TYR: variants seen among roughly 807,000 people sequenced by gnomAD.
TYR encodes the protein LB24-AB.
Under a neutral mutation model 51.5 loss-of-function variants are expected in TYR, and 58 were observed. The ratio of observed to expected loss-of-function variants is 1.13; its 90% CI spans 0.91 to 1.40. TYR has a LOEUF of 1.40. Among genes scored for constraint, TYR ranks in the 40% most tolerant of loss-of-function variants. TYR has a pLI of 0.00. For synonymous variants in TYR, 263 were observed against 235.2 expected (o/e 1.12, Z -1.08); for missense variants, 732 against 647.4 (o/e 1.13, Z -1.42).
intron 2 of TYR, among the ~76,000 whole-genome samples, chr11:89,217,664 C>T (rs1415193295): frequency 2.6e-5 from 4 of 152,138 alleles, no homozygotes; most frequent in Non-Finnish European, 2.9e-5. Flanking sequence ...TGAGTCTCTT[C>T]GTTGTTTTAT....
intron 2 of TYR, among the ~76,000 whole-genome samples, chr11:89,207,398 C>T (rs1377665600): frequency 1.3e-5 from 2 of 152,032 alleles, no homozygotes; most frequent in Non-Finnish European, 2.9e-5. Context: ...TAAAAAAGCG[C>T]AAACTATACC....
Position 89,292,862 on chromosome 11 carries a change from C to T in TYR, c.1367-2281C>T, listed in dbSNP as rs1226151684. Among the ~76,000 whole-genome samples the T allele has an allele frequency of 2.0e-5, 3 of 152,148 alleles. No individual in the cohort carries two copies. In the East Asian group the frequency reaches 5.8e-4, roughly 29 times the overall value. On this transcript the variant is annotated intron_variant, in intron 4 of 4. Coordinates refer to ENST00000263321, the MANE Select transcript of TYR (RefSeq NM_000372.5). The stretch of plus-strand genomic sequence containing the variant: ...TGGGTTCCTAAAGCCAAGTCTTAGA[C>T]ATCCCATGAATCATTACCTTTTAGT...
chr11:89,278,740 T>C (rs888540976), intron 3 of TYR, among the ~76,000 whole-genome samples: 2 of 151,732 alleles, frequency 1.3e-5, no homozygotes, highest in African/African-American at 4.8e-5. Flanking sequence ...ACCATGTTGA[T>C]ATAATTATTA....
intron 3 of TYR, among the ~76,000 whole-genome samples, chr11:89,282,894 G>A (rs1565422997): frequency 6.6e-6 from 1 of 151,802 alleles, no homozygotes; most frequent in Non-Finnish European, 1.5e-5. Context: ...GGGGGAAGAA[G>A]AGAAGAGAGG....
intron 1 of TYR, among the ~76,000 whole-genome samples, chr11:89,186,702 G>C (rs12799137): frequency 0.22 from 32,956 of 152,064 alleles, 5,590 homozygotes; most frequent in African/African-American, 0.48. Context: ...AGACCTCTCA[G>C]CCAGTATTAT....
At chr11:89,245,148 T>C (rs1478698357) in intron 3 of TYR, among the ~76,000 whole-genome samples, 3 of 152,208 alleles carry the variant, frequency 2.0e-5, no homozygotes, top group Non-Finnish European at 4.4e-5. Flanking sequence ...GTGACATTTG[T>C]GTGTAAAAAC....
At chr11:89,188,222 T>C (rs1338480405) in intron 1 of TYR, among the ~76,000 whole-genome samples, 1 of 151,816 alleles carries the variant, frequency 6.6e-6, no homozygotes, top group Admixed American at 6.6e-5. Flanking sequence ...AATAAGGCAA[T>C]ATGGTATAGA....
chr11:89,190,763 GGTAA>G (rs1343436882), intron 1 of TYR, among the ~76,000 whole-genome samples: 1 of 151,838 alleles, frequency 6.6e-6, no homozygotes, highest in East Asian at 1.9e-4. Context: ...GTCCATTTAT[GGTAA>G]GTGTCCTGTA....
intron 3 of TYR, among the ~76,000 whole-genome samples, chr11:89,253,168 T>C (rs1430421966): frequency 6.6e-6 from 1 of 151,798 alleles, no homozygotes; most frequent in Non-Finnish European, 1.5e-5. Context: ...TCCTTTCACT[T>C]TCTTCCTTTA....
chr11:89,185,817 A>G (rs1943364440), intron 1 of TYR, among the ~76,000 whole-genome samples: 1 of 152,170 alleles, frequency 6.6e-6, no homozygotes, highest in African/African-American at 2.4e-5. Flanking sequence ...ACCACTAAGA[A>G]AAATAAAAAA....
intron 3 of TYR, among the ~76,000 whole-genome samples, chr11:89,281,626 C>T (rs1228679230): frequency 6.6e-6 from 1 of 151,758 alleles, no homozygotes; most frequent in East Asian, 1.9e-4. Flanking sequence ...CCCATCTCTC[C>T]ACTTTTGAGG....
At chr11:89,241,311 G>A (rs76298763) in intron 3 of TYR, among the ~76,000 whole-genome samples, 2,979 of 152,220 alleles carry the variant, frequency 0.02, 115 homozygotes, top group African/African-American at 0.069. Context: ...ACCCTCGTAT[G>A]TACTCTTGTC....
chr11:89,203,561 A>C (rs1326564953), intron 2 of TYR, among the ~76,000 whole-genome samples: 1 of 152,184 alleles, frequency 6.6e-6, no homozygotes, highest in African/African-American at 2.4e-5. Context: ...TCTAAATACA[A>C]CCACAATCTC....
At chr11:89,193,416 A>T (rs1943473416) in intron 2 of TYR, among the ~76,000 whole-genome samples, 1 of 152,142 alleles carries the variant, frequency 6.6e-6, no homozygotes, top group Non-Finnish European at 1.5e-5. Context: ...AGGGAACAGC[A>T]GATTTACTAC....
chr11:89,248,348 G>T (rs1944291658), intron 3 of TYR, among the ~76,000 whole-genome samples: 3 of 152,120 alleles, frequency 2.0e-5, no homozygotes, highest in African/African-American at 7.2e-5. Flanking sequence ...ATTTTATAAA[G>T]AATTACTTGG....
chr11:89,274,973 T>C (rs181089648), intron 3 of TYR, among the ~76,000 whole-genome samples: 12 of 151,952 alleles, frequency 7.9e-5, no homozygotes, highest in African/African-American at 2.4e-4. Flanking sequence ...TTAGTCATCA[T>C]AGATACATCT....
intron 3 of TYR, among the ~76,000 whole-genome samples, chr11:89,231,299 G>T (rs1325014733): frequency 6.6e-6 from 1 of 151,872 alleles, no homozygotes; most frequent in South Asian, 2.1e-4. Context: ...TGATTCAGCA[G>T]TTCCACTCCT....
Position 89,178,144 on chromosome 11 carries a change from C to A in TYR, c.191C>A (p.Pro64Gln), listed in dbSNP as rs370798325. ...CAGAATATCCTTCTGTCCAATGCACCACTTGGGCCTCAATTTCCCTTCACA... is the reference window on the plus strand; with the variant it reads ...CAGAATATCCTTCTGTCCAATGCACAACTTGGGCCTCAATTTCCCTTCACA... ...SCQNILLSNAPLGPQFPFTGV... is the reference protein window; with the variant it reads ...SCQNILLSNAQLGPQFPFTGV... The change falls in exon 1 of 5, where the codon CCA becomes CAA. Residue 64 changes from proline (P) to glutamine (Q), a missense_variant. Pro to Gln is a moderately conservative substitution (Grantham distance 76, BLOSUM62 -1). Coordinates refer to ENST00000263321, the MANE Select transcript of TYR (RefSeq NM_000372.5). 1.2e-5 allele frequency: 20 copies of A among 1,614,058 alleles called. No individual in the cohort carries two copies. The highest frequency in any genetic ancestry group is 2.7e-5 in the African/African-American group (2 of 74,922).
chr11:89,244,446 T>G (rs1590874895), intron 3 of TYR, among the ~76,000 whole-genome samples: 2 of 152,338 alleles, frequency 1.3e-5, no homozygotes, highest in East Asian at 1.9e-4. Context: ...TGGCTCCTCC[T>G]TATTTCTGCA....
Sources: gnomAD v4.1 joint callset for allele counts (sites outside exome capture counted in the v4.1 genomes callset) on GRCh38, gnomAD v4.1.1 for gene constraint, MANE v1.5 for transcripts, NCBI Gene and HGNC (gene_info 2026-07-23, HGNC 2026-07-21) for gene names.